The following CTNS variants were observed in gnomAD, a reference collection of about 807,000 sequenced individuals.
CTNS encodes cystinosin, lysosomal cystine transporter.
A neutral mutation model predicts 43.7 loss-of-function variants in CTNS; 27 were observed. That is an observed-to-expected ratio of 0.62 (90% CI 0.46 to 0.85). CTNS has a LOEUF of 0.85. Among genes scored for constraint, CTNS ranks in the 40% least tolerant of loss-of-function variants. CTNS has a pLI of 0.00. For synonymous variants in CTNS, 187 were observed against 190.6 expected (o/e 0.98, Z 0.16); for missense variants, 457 against 475.4 (o/e 0.96, Z 0.36).
intron 5 of CTNS, among the ~76,000 whole-genome samples, chr17:3,654,698 G>C (rs1367096824): frequency 1.5e-5 from 2 of 131,608 alleles, no homozygotes; most frequent in Non-Finnish European, 3.4e-5. Flanking sequence ...AAAAAAAAAA[G>C]GAAAGTCTCA....
rs1567701229 is a variant in CTNS at position 3,647,458 on chromosome 17, C to T, written c.76C>T (p.Leu26Phe). 1 of 1,614,114 alleles carries T rather than the reference C, an allele frequency of 6.2e-7. No homozygotes were observed. Among genetic ancestry groups the T allele is most frequent in the Non-Finnish European group, 8.5e-7 (1 of 1,179,952 alleles). Residue 26 changes from leucine to phenylalanine, a missense_variant, in exon 4 of 12, where the codon CTC becomes TTC. By Grantham distance (22) the Leu-to-Phe change is conservative (BLOSUM62 0). Transcript: ENST00000046640. The stretch of plus-strand genomic sequence containing the variant: ...GGTCCTTCCAGAGTCAAGCGTCAGC[C>T]TCACTGTTCCTCCTGTCGTAAAGCT... ...LVEKCESSVS[L>F]TVPPVVKLEN...
At chr17:3,641,373 TATATA>T (rs1330125943) in intron 3 of CTNS, among the ~76,000 whole-genome samples, 25 of 47,700 alleles carry the variant, frequency 5.2e-4, no homozygotes, top group South Asian at 2.6e-3. Context: ...TATATATATA[TATATA>T]TATATATTTT....
chr17:3,661,130 C>T lies in CTNS; in HGVS notation c.*761C>T. 6.0e-6 allele frequency: 2 copies of T among 333,426 alleles called. No individual in the cohort carries two copies. Among genetic ancestry groups the T allele is most frequent in the Non-Finnish European group, 1.2e-5 (2 of 170,432 alleles). 20.7% of individuals were successfully genotyped at this position (333,426 alleles called of 1,614,324 possible). On this transcript the variant is annotated 3_prime_UTR_variant, in exon 12 of 12. Transcript: ENST00000046640. ...ATTAGCCCCATCTGAGCACATCCAG[C>T]TGCTCCTTACCCAGCATCTGGAGTA... is the stretch of plus-strand genomic sequence containing the variant.
chr17:3,653,215 C>T (rs1196431035), intron 5 of CTNS, among the ~76,000 whole-genome samples: 1 of 152,102 alleles, frequency 6.6e-6, no homozygotes, highest in Non-Finnish European at 1.5e-5. Context: ...AGATCGAGAC[C>T]AGCCTGGCCA....
chr17:3,642,812 A>G (rs543528451), intron 3 of CTNS, among the ~76,000 whole-genome samples: 10 of 152,266 alleles, frequency 6.6e-5, no homozygotes, highest in African/African-American at 2.4e-4. Context: ...ATTATGAAGG[A>G]CCACAGATGA....
At chr17:3,642,064 C>CGTGTGTGTGTGTGT (rs139025469) in intron 3 of CTNS, among the ~76,000 whole-genome samples, 2 of 139,782 alleles carry the variant, frequency 1.4e-5, no homozygotes, top group Non-Finnish European at 3.1e-5. Flanking sequence ...TGTACCCGGG[C>CGTGTGTGTGTGTGT]GTGTGTGTGT....
intron 3 of CTNS, among the ~76,000 whole-genome samples, chr17:3,643,131 G>A (rs968472443): frequency 5.3e-5 from 8 of 152,000 alleles, no homozygotes; most frequent in African/African-American, 1.9e-4. Context: ...TGGCTAACAT[G>A]GTGAAATCCC....
intron 3 of CTNS, among the ~76,000 whole-genome samples, chr17:3,643,183 G>A (rs1169796014): frequency 6.6e-5 from 10 of 151,994 alleles, no homozygotes; most frequent in African/African-American, 1.9e-4. Context: ...GCGTGGTGGC[G>A]GGCGCCTATA....
chr17:3,658,528 GGGA>G (rs1314919931), intron 10 of CTNS, among the ~76,000 whole-genome samples: 1 of 152,238 alleles, frequency 6.6e-6, no homozygotes, highest in Non-Finnish European at 1.5e-5. Flanking sequence ...GAGGTGAGGT[GGGA>G]GGAGGGAGCC....
intron 3 of CTNS, among the ~76,000 whole-genome samples, chr17:3,646,923 G>T (rs2075856545): frequency 6.6e-6 from 1 of 152,186 alleles, no homozygotes; most frequent in African/African-American, 2.4e-5. Flanking sequence ...CCAGTGCCAG[G>T]GTGAGCTGGG....
At chr17:3,639,887 GCTAA>G (rs747154606) in intron 2 of CTNS, among the ~76,000 whole-genome samples, 8 of 152,060 alleles carry the variant, frequency 5.3e-5, no homozygotes, top group Non-Finnish European at 1.0e-4. Flanking sequence ...CTTTCTTTCT[GCTAA>G]CTAAGTTTTT....
At chr17:3,655,559 T>G in intron 7 of CTNS, 1 of 570,096 alleles carries the variant, frequency 1.8e-6, no homozygotes, top group Non-Finnish European at 3.0e-6. Flanking sequence ...GCTCAGCCCC[T>G]CCCTGGGAAA....
intron 9 of CTNS, among the ~76,000 whole-genome samples, chr17:3,657,174 A>C (rs568289832): frequency 1.3e-5 from 2 of 151,824 alleles, no homozygotes; most frequent in South Asian, 4.1e-4. Context: ...GGATGAGTGA[A>C]GTTCCTATGG....
intron 2 of CTNS, among the ~76,000 whole-genome samples, chr17:3,639,536 G>C (rs970860919): frequency 1.3e-5 from 2 of 151,794 alleles, no homozygotes; most frequent in East Asian, 1.9e-4. Context: ...GGCATGGTGG[G>C]GGGCACCTGT....
At position 3,651,255 on chromosome 17, in the gene CTNS, C is replaced by T. The variant is rs568670819; in HGVS notation, c.225+2324C>T. Among the ~76,000 whole-genome samples, 16 of 151,952 alleles carry T rather than the reference C, an allele frequency of 1.1e-4. No individual in the cohort carries two copies. The East Asian group carries it at 2.7e-3, about 26-fold the overall frequency. On this transcript the variant is annotated intron_variant, in intron 5 of 11. Transcript: ENST00000046640. ...GATTACAGGCACACACCACCACACC[C>T]GGCTAATTTTTGTGTTTTTAGTAGA...
chr17:3,642,180 C>T (rs1399483628), intron 3 of CTNS, among the ~76,000 whole-genome samples: 4 of 150,398 alleles, frequency 2.7e-5, no homozygotes, highest in South Asian at 2.1e-4. Context: ...GTCGCTCATA[C>T]ATACTCTTTA....
At position 3,660,351 on chromosome 17, in the gene CTNS, G is replaced by T; in HGVS notation, c.1086G>T (p.Gly362=). ...TCTGTTTGTACAGAAAGAGACCGGGGTATGACCAGCTGAACTAGCACCCAG... is the reference window on the plus strand; with the variant it reads ...TCTGTTTGTACAGAAAGAGACCGGGTTATGACCAGCTGAACTAGCACCCAG... ...QHFCLYRKRP[G]YDQLN is the part of the protein sequence containing the mutation. The change falls in exon 12 of 12, where the codon GGG becomes GGT. Residue 362 remains glycine (G), a synonymous_variant. Transcript: ENST00000046640. 1.2e-6 allele frequency: 2 copies of T among 1,614,218 alleles called. No homozygotes were observed. The highest frequency in any genetic ancestry group is 1.7e-5 in the Admixed American group (1 of 60,030).
At chr17:3,655,598 A>C in intron 7 of CTNS, 8 of 403,168 alleles carry the variant, frequency 2.0e-5, no homozygotes, top group Admixed American at 3.6e-5. Context: ...GGGGCTCCTT[A>C]GTTTAGTGGA....
In CTNS at chr17:3,637,200, C is replaced by T. The variant is rs886052863; in HGVS notation, c.-136C>T. 1 of 152,224 alleles carries T rather than the reference C, an allele frequency of 6.6e-6. No homozygotes were observed. Among genetic ancestry groups the T allele is most frequent in the Non-Finnish European group, 1.5e-5 (1 of 68,056 alleles). The allele number at this position is 152,224 out of a possible 1,614,324, so 9.4% of individuals were successfully genotyped here. On this transcript the variant is annotated 5_prime_UTR_variant, in exon 2 of 12. Transcript: ENST00000046640. Reference sequence around the variant, plus strand: ...GGGACTGAGCAGCACGAGACCCCATCCTCCCCTCCGGGTTTTCACACTGGG... The same window carrying T: ...GGGACTGAGCAGCACGAGACCCCATTCTCCCCTCCGGGTTTTCACACTGGG...
Sources: gnomAD v4.1 joint callset for allele counts (sites outside exome capture counted in the v4.1 genomes callset) on GRCh38, gnomAD v4.1.1 for gene constraint, MANE v1.5 for transcripts, NCBI Gene and HGNC (gene_info 2026-07-23, HGNC 2026-07-21) for gene names.